ROBO1: variants seen among roughly 807,000 people sequenced by gnomAD.
ROBO1 encodes roundabout guidance receptor 1.
A neutral mutation model predicts 195.9 loss-of-function variants in ROBO1; 149 were observed. That is an observed-to-expected ratio of 0.76 (90% CI 0.67 to 0.87). The LOEUF (loss-of-function observed/expected upper bound fraction) is 0.87. ROBO1 is among the 40% of genes least tolerant of loss of function. The pLI is 0.00. For missense variants in ROBO1, 1,933 were observed against 2,068.3 expected (o/e 0.93, Z 1.27); for synonymous variants, 816 against 733.2 (o/e 1.11, Z -1.82).
In ROBO1 at chr3:79,745,210, TA is replaced by T. The variant is rs541380196; in HGVS notation, c.-51+22541del. Among the ~76,000 whole-genome samples the T allele has an allele frequency of 3.3e-3, 495 of 152,272 alleles. 3 individuals carry two copies. Among genetic ancestry groups the T allele is most frequent in the African/African-American group, 0.011 (473 of 41,564 alleles). On this transcript the variant is annotated intron_variant, in intron 1 of 30. Transcript: ENST00000464233. ...TGGTTGTCCCTGCTCTGCCCTGAAA[TA>T]TTCAAACTGAGACCATATTCTTCAA...
chr3:79,564,642 A>G (rs1943035499), intron 2 of ROBO1, among the ~76,000 whole-genome samples: 1 of 152,080 alleles, frequency 6.6e-6, no homozygotes, highest in Admixed American at 6.6e-5. Flanking sequence ...TTATGAGTCA[A>G]ACTTTCTTGA....
At chr3:79,558,145 G>A (rs1399266712) in intron 2 of ROBO1, among the ~76,000 whole-genome samples, 1 of 152,066 alleles carries the variant, frequency 6.6e-6, no homozygotes, top group African/African-American at 2.4e-5. Flanking sequence ...CCACTCATTT[G>A]CAGATTTTTG....
At position 79,381,591 on chromosome 3, in the gene ROBO1, T is replaced by C. The variant is rs183497677; in HGVS notation, c.88+208233A>G. Among the ~76,000 whole-genome samples the C allele has an allele frequency of 2.4e-3, 370 of 152,092 alleles. 2 individuals are homozygous for C. Among genetic ancestry groups the C allele is most frequent in the African/African-American group, 7.6e-3 (315 of 41,536 alleles). On this transcript the variant is annotated intron_variant, in intron 2 of 30. Coordinates refer to ENST00000464233, the MANE Select transcript of ROBO1 (RefSeq NM_002941.4). ...TGAGCTGCCACCTCCTATATGAGTTTTGTTTTATAGCATCATCATTAGCCC... is the reference window on the plus strand; with the variant it reads ...TGAGCTGCCACCTCCTATATGAGTTCTGTTTTATAGCATCATCATTAGCCC...
intron 4 of ROBO1, among the ~76,000 whole-genome samples, chr3:78,791,585 C>T (rs333505): frequency 0.97 from 147,005 of 152,212 alleles, 71,194 homozygotes; most frequent in East Asian, 1. Context: ...TACATTATTT[C>T]TTAAAAAGAG....
At chr3:78,969,890 T>C (rs962534454) in intron 3 of ROBO1, among the ~76,000 whole-genome samples, 6 of 152,240 alleles carry the variant, frequency 3.9e-5, no homozygotes, top group Non-Finnish European at 7.3e-5. Flanking sequence ...TAAATGTTGC[T>C]AAATACTCAG....
At chr3:79,068,586 A>G (rs1455534930) in intron 3 of ROBO1, among the ~76,000 whole-genome samples, 1 of 151,824 alleles carries the variant, frequency 6.6e-6, no homozygotes, top group Non-Finnish European at 1.5e-5. Flanking sequence ...CCTTAAATCT[A>G]TTCCCCATTC....
At chr3:79,734,656 T>C (rs1286335844) in intron 1 of ROBO1, among the ~76,000 whole-genome samples, 2 of 152,194 alleles carry the variant, frequency 1.3e-5, no homozygotes, top group African/African-American at 4.8e-5. Context: ...CACACAAAAC[T>C]TCTTGCTCTA....
At chr3:78,782,728 CT>C (rs2083715373) in intron 4 of ROBO1, among the ~76,000 whole-genome samples, 2 of 152,152 alleles carry the variant, frequency 1.3e-5, no homozygotes, top group Non-Finnish European at 2.9e-5. Context: ...CAGATATTTT[CT>C]CACATATTCT....
intron 3 of ROBO1, among the ~76,000 whole-genome samples, chr3:79,084,077 C>T (rs1038295717): frequency 1.3e-5 from 2 of 152,162 alleles, no homozygotes; most frequent in Non-Finnish European, 2.9e-5. Flanking sequence ...ATTATAAAGT[C>T]ATCTAGTTTA....
chr3:78,909,476 TG>T (rs1559988651), intron 4 of ROBO1, among the ~76,000 whole-genome samples: 1 of 151,796 alleles, frequency 6.6e-6, no homozygotes, highest in South Asian at 2.1e-4. Flanking sequence ...GTTATTTTTC[TG>T]GGGGTAAAAG....
chr3:79,224,306 T>C (rs2082189227), intron 2 of ROBO1, among the ~76,000 whole-genome samples: 1 of 152,222 alleles, frequency 6.6e-6, no homozygotes. Flanking sequence ...AGCTTTACTC[T>C]CTTTAACAAT....
At chr3:79,598,343 C>T (rs1283633029) in intron 1 of ROBO1, among the ~76,000 whole-genome samples, 1 of 151,996 alleles carries the variant, frequency 6.6e-6, no homozygotes, top group East Asian at 1.9e-4. Context: ...CTTCAACCTA[C>T]ACCAAATTCA....
rs113065987 is a variant in ROBO1 at position 79,567,354 on chromosome 3, G to A, written c.88+22470C>T. On this transcript the variant is annotated intron_variant, in intron 2 of 30. Coordinates refer to ENST00000464233, the MANE Select transcript of ROBO1 (RefSeq NM_002941.4). ...ACCACCAGGACACATGTTTTCCTGG[G>A]TAACAAACTTGCACATCTATCCCTG... Among the ~76,000 whole-genome samples, 513 of 152,164 alleles carry A rather than the reference G, an allele frequency of 3.4e-3. 3 individuals carry two copies. Among genetic ancestry groups the A allele is most frequent in the Non-Finnish European group, 6.2e-3 (422 of 68,004 alleles).
At chr3:79,705,545 T>G (rs1370782951) in intron 1 of ROBO1, among the ~76,000 whole-genome samples, 1 of 152,140 alleles carries the variant, frequency 6.6e-6, no homozygotes, top group Admixed American at 6.6e-5. Context: ...TCTATTTGTC[T>G]GTCCTTTCAC....
intron 3 of ROBO1, among the ~76,000 whole-genome samples, chr3:79,044,865 A>G (rs1411886344): frequency 5.3e-5 from 8 of 152,094 alleles, no homozygotes; most frequent in Non-Finnish European, 1.0e-4. Flanking sequence ...TTGCCACTTG[A>G]CCCAGGAAAT....
intron 2 of ROBO1, among the ~76,000 whole-genome samples, chr3:79,238,078 GA>G (rs2082447475): frequency 6.6e-6 from 1 of 152,034 alleles, no homozygotes; most frequent in Non-Finnish European, 1.5e-5. Context: ...GTGTCTTCAG[GA>G]AATAAAATTT....
chr3:79,557,711 C>T (rs111702755), intron 2 of ROBO1, among the ~76,000 whole-genome samples: 10,783 of 112,450 alleles, frequency 0.096, 463 homozygotes, highest in East Asian at 0.16. Context: ...CCAGCCTGGG[C>T]AACAGAGCGA....
At chr3:79,516,062 C>T (rs1940929918) in intron 2 of ROBO1, among the ~76,000 whole-genome samples, 2 of 152,146 alleles carry the variant, frequency 1.3e-5, no homozygotes, top group South Asian at 4.1e-4. Context: ...CCAGTATTAA[C>T]AGATCCTTCG....
rs1488124310 is a variant in ROBO1 at position 78,661,144 on chromosome 3, C to T, written c.2206G>A (p.Val736Met). 1.9e-6 allele frequency: 3 copies of T among 1,613,598 alleles called. No individual in the cohort carries two copies. The highest frequency in any genetic ancestry group is 2.5e-6 in the Non-Finnish European group (3 of 1,179,816). The change falls in exon 16 of 31, where the codon GTG becomes ATG. Residue 736 changes from valine to methionine, a missense_variant. By Grantham distance (21) the Val-to-Met change is conservative. Coordinates refer to ENST00000464233, the MANE Select transcript of ROBO1 (RefSeq NM_002941.4). ...FEVRTPAKNS[V>M]VIPDLRKGVN... ...CCCTTTCTGAGATCAGGGATTACCA[C>T]ACTGTTTTTGGCTGGCGTCCTCACT...
Sources: allele counts gnomAD v4.1 joint callset (sites outside exome capture counted in the v4.1 genomes callset), GRCh38; gene constraint gnomAD v4.1.1; transcripts MANE v1.5; gene names NCBI Gene and HGNC (gene_info 2026-07-23, HGNC 2026-07-21).